The following KLF12 variants were observed in gnomAD, a reference collection of about 807,000 sequenced individuals.
The protein encoded by KLF12 is KLF transcription factor 12, also known as Krueppel-like factor 12.
Under a neutral mutation model 37.8 loss-of-function variants are expected in KLF12, and 9 were observed. The observed-to-expected ratio is 0.24, with a 90% CI of 0.14 to 0.42. The LOEUF (loss-of-function observed/expected upper bound fraction) is 0.42. Among genes scored for constraint, KLF12 ranks in the 10% least tolerant of loss-of-function variants. The pLI is 1.00. For synonymous variants in KLF12, 208 were observed against 202.1 expected (o/e 1.03, Z -0.25); for missense variants, 411 against 516.0 (o/e 0.80, Z 1.97).
the KLF12 span, among the ~76,000 whole-genome samples, chr13:74,231,005 G>A: frequency 6.0e-5 from 9 of 150,216 alleles, no homozygotes; most frequent in South Asian, 6.3e-4. Context: ...CAGTACTTTC[G>A]CTACTACCAC....
chr13:74,264,388 A>G, the KLF12 span, among the ~76,000 whole-genome samples: 5 of 152,244 alleles, frequency 3.3e-5, no homozygotes, highest in Non-Finnish European at 7.3e-5. Context: ...AAAAATAAAT[A>G]AAAAGGGTAG....
the KLF12 span, among the ~76,000 whole-genome samples, chr13:74,282,468 T>C: frequency 6.6e-6 from 1 of 152,196 alleles, no homozygotes; most frequent in Non-Finnish European, 1.5e-5. Context: ...GGATTCACCC[T>C]GCAGGGGTGG....
intron 1 of KLF12, among the ~76,000 whole-genome samples, chr13:74,033,671 C>T (rs1398250493): frequency 6.6e-6 from 1 of 152,172 alleles, no homozygotes; most frequent in Admixed American, 6.5e-5. Context: ...CAATGTGCCA[C>T]ATTTATGTAA....
chr13:74,134,629 C>T (rs1466220814), upstream of KLF12, among the ~76,000 whole-genome samples: 1 of 151,984 alleles, frequency 6.6e-6, no homozygotes, highest in African/African-American at 2.4e-5. Context: ...CCAAATAACC[C>T]ACACATGGCC....
intron 3 of KLF12, among the ~76,000 whole-genome samples, chr13:73,938,701 T>C (rs897406975): frequency 3.3e-5 from 5 of 152,324 alleles, no homozygotes; most frequent in South Asian, 2.1e-4. Flanking sequence ...TTGTTATTAA[T>C]GTCCTGCAGA....
intron 2 of KLF12, among the ~76,000 whole-genome samples, chr13:73,975,999 T>C (rs533195359): frequency 6.6e-6 from 1 of 152,220 alleles, no homozygotes; most frequent in South Asian, 2.1e-4. Context: ...CGGTCTGCAT[T>C]TACTAGTAAA....
At chr13:73,966,006 T>C (rs1160269823) in intron 2 of KLF12, among the ~76,000 whole-genome samples, 1 of 152,214 alleles carries the variant, frequency 6.6e-6, no homozygotes, top group Non-Finnish European at 1.5e-5. Flanking sequence ...AATCTAGCAA[T>C]TGTTAACTCT....
intron 1 of KLF12, among the ~76,000 whole-genome samples, chr13:74,054,725 T>C (rs1873141412): frequency 6.6e-6 from 1 of 152,222 alleles, no homozygotes; most frequent in South Asian, 2.1e-4. Context: ...GCTAACTACA[T>C]TAACACCATT....
the KLF12 span, among the ~76,000 whole-genome samples, chr13:74,304,010 A>C: frequency 6.6e-6 from 1 of 152,070 alleles, no homozygotes; most frequent in Admixed American, 6.6e-5. Context: ...AACCCCAAGC[A>C]GATTCCTCCT....
chr13:74,259,465 C>T, the KLF12 span: 1 of 152,174 alleles, frequency 6.6e-6, no homozygotes, highest in Non-Finnish European at 1.5e-5. Flanking sequence ...GTTTCTTCCA[C>T]TTGGAATCTG....
At chr13:73,702,264 G>T (rs1244555874) in intron 7 of KLF12, among the ~76,000 whole-genome samples, 1 of 152,054 alleles carries the variant, frequency 6.6e-6, no homozygotes, top group African/African-American at 2.4e-5. Context: ...TTCAATTTTG[G>T]TTAAAGAAAA....
the KLF12 span, among the ~76,000 whole-genome samples, chr13:74,206,230 G>A: frequency 7.0e-4 from 106 of 152,118 alleles, no homozygotes; most frequent in African/African-American, 2.3e-3. Context: ...AATTACAGTA[G>A]CTAGTTTATA....
At chr13:74,165,104 C>T in the KLF12 span, among the ~76,000 whole-genome samples, 5 of 152,024 alleles carry the variant, frequency 3.3e-5, no homozygotes, top group African/African-American at 7.2e-5. Context: ...ATGGATACCC[C>T]ATTTACCCTG....
chr13:73,996,919 T>G (rs2138282190), intron 1 of KLF12, among the ~76,000 whole-genome samples: 1 of 152,274 alleles, frequency 6.6e-6, no homozygotes, highest in East Asian at 1.9e-4. Flanking sequence ...GAGGTAAATT[T>G]TATAACCAAG....
At chr13:73,813,721 T>C (rs1594121829) in intron 4 of KLF12, among the ~76,000 whole-genome samples, 1 of 152,164 alleles carries the variant, frequency 6.6e-6, no homozygotes, top group East Asian at 1.9e-4. Context: ...TAGTTGCTTA[T>C]AGCTCTCATA....
chr13:74,145,995 A>C, the KLF12 span, among the ~76,000 whole-genome samples: 1 of 152,206 alleles, frequency 6.6e-6, no homozygotes, highest in African/African-American at 2.4e-5. Flanking sequence ...TTTATTTTTA[A>C]CTTGAACATG....
At chr13:73,991,605 G>C (rs1350998397) in intron 2 of KLF12, among the ~76,000 whole-genome samples, 1 of 152,190 alleles carries the variant, frequency 6.6e-6, no homozygotes, top group East Asian at 1.9e-4. Flanking sequence ...AGATGAGAAA[G>C]TTAAAATTCA....
At chr13:73,813,370 C>CG in intron 4 of KLF12, 83 bp from the exon 5 acceptor site, 1 of 1,444,248 alleles carries the variant, frequency 6.9e-7, no homozygotes, top group Middle Eastern at 1.8e-4. Flanking sequence ...AAGTATGGAA[C>CG]TTCTGTGCAT....
chr13:74,278,576 C>T, the KLF12 span, among the ~76,000 whole-genome samples: 2 of 152,154 alleles, frequency 1.3e-5, no homozygotes, highest in African/African-American at 4.8e-5. Flanking sequence ...CATATTAAAT[C>T]CTCGTGGTTG....
Sources: gnomAD v4.1 joint callset for allele counts (sites outside exome capture counted in the v4.1 genomes callset) on GRCh38, gnomAD v4.1.1 for gene constraint, MANE v1.5 for transcripts, NCBI Gene and HGNC (gene_info 2026-07-23, HGNC 2026-07-21) for gene names.